The following NCOA2 variants were observed in gnomAD, a reference collection of about 807,000 sequenced individuals.
The protein encoded by NCOA2 is class E basic helix-loop-helix protein 75.
NCOA2 carries 21 observed loss-of-function variants against 145.1 expected under a neutral mutation model. That is an observed-to-expected ratio of 0.14 (90% CI 0.10 to 0.21). The LOEUF is 0.21. Among genes scored for constraint, NCOA2 ranks in the 10% least tolerant of loss-of-function variants. The pLI is 1.00. For synonymous variants in NCOA2, 619 were observed against 637.5 expected (o/e 0.97, Z 0.44); for missense variants, 1,472 against 1,837.6 (o/e 0.80, Z 3.64).
At chr8:70,413,342 A>G in the NCOA2 span, among the ~76,000 whole-genome samples, 4 of 152,170 alleles carry the variant, frequency 2.6e-5, no homozygotes, top group African/African-American at 9.7e-5. Flanking sequence ...ATGCAATTAA[A>G]TGCATCTAGG....
intron 2 of NCOA2, among the ~76,000 whole-genome samples, chr8:70,235,370 C>A (rs538304992): frequency 6.6e-6 from 1 of 152,152 alleles, no homozygotes; most frequent in South Asian, 2.1e-4. Flanking sequence ...GATGGTTGCA[C>A]AATACTGTTC....
At chr8:70,153,049 G>A (rs2132134278) in intron 11 of NCOA2, among the ~76,000 whole-genome samples, 1 of 152,322 alleles carries the variant, frequency 6.6e-6, no homozygotes, top group East Asian at 1.9e-4. Flanking sequence ...CTTAAAGTAA[G>A]TCATTCTAAC....
chr8:70,415,492 A>G, the NCOA2 span, among the ~76,000 whole-genome samples: 2 of 152,354 alleles, frequency 1.3e-5, no homozygotes, highest in South Asian at 2.1e-4. Flanking sequence ...TTTTTGTTTC[A>G]TAAAATTCAA....
intron 2 of NCOA2, among the ~76,000 whole-genome samples, chr8:70,279,332 T>A (rs540848890): frequency 6.6e-6 from 1 of 152,324 alleles, no homozygotes; most frequent in East Asian, 1.9e-4. Flanking sequence ...GAGTGAAATG[T>A]GTCTTTTCTC....
At chr8:70,354,128 C>T (rs1389014996) in intron 1 of NCOA2, among the ~76,000 whole-genome samples, 1 of 152,154 alleles carries the variant, frequency 6.6e-6, no homozygotes, top group Non-Finnish European at 1.5e-5. Flanking sequence ...ATTCCAAACC[C>T]ATTACAGAGC....
Position 70,128,841 on chromosome 8 carries a change from T to C in NCOA2, c.3464A>G (p.Asn1155Ser), listed in dbSNP as rs201371847. The stretch of plus-strand genomic sequence containing the variant: ...AGGCCGCTGTCCCATGGTGTGAAAG[T>C]TTGGATCTTGCATGGGAGAATAGCT... ...QGSYSPMQDP[N>S]FHTMGQRPSY... Residue 1155 changes from asparagine (N) to serine (S), a missense_variant, in exon 17 of 23, where the codon AAC (asparagine) becomes AGC (serine). By Grantham distance (46) the Asn-to-Ser change is conservative. Around this residue, in one of 4 missense-constraint regions of NCOA2, gnomAD observed 953 missense variants for 1,062.1 expected, o/e 0.90. Transcript: ENST00000452400. 3.7e-6 allele frequency: 6 copies of C among 1,613,798 alleles called. No homozygotes were observed. The highest frequency in any genetic ancestry group is 4.2e-6 in the Non-Finnish European group (5 of 1,179,880).
intron 2 of NCOA2, among the ~76,000 whole-genome samples, chr8:70,233,981 C>G (rs1237498580): frequency 6.6e-6 from 1 of 152,072 alleles, no homozygotes; most frequent in Non-Finnish European, 1.5e-5. Flanking sequence ...TGTCATCACC[C>G]CAAGAGGAAA....
chr8:70,443,506 GCAATTGCCC>G, the NCOA2 span, among the ~76,000 whole-genome samples: 4 of 152,112 alleles, frequency 2.6e-5, no homozygotes, highest in Admixed American at 6.5e-5. Context: ...TTGAAACAGA[GCAATTGCCC>G]CAATTCAGCA....
the NCOA2 span, among the ~76,000 whole-genome samples, chr8:70,443,966 C>T: frequency 6.6e-6 from 1 of 152,186 alleles, no homozygotes; most frequent in Non-Finnish European, 1.5e-5. Context: ...CATGCACACA[C>T]GCGTGCTTGC....
chr8:70,383,217 C>T (rs1009955760), intron 1 of NCOA2, among the ~76,000 whole-genome samples: 3 of 152,066 alleles, frequency 2.0e-5, no homozygotes, highest in African/African-American at 7.2e-5. Context: ...GTGGATGGGG[C>T]TGTGTTATCG....
At chr8:70,119,430 G>A (rs1807527627) in intron 22 of NCOA2, among the ~76,000 whole-genome samples, 1 of 152,050 alleles carries the variant, frequency 6.6e-6, no homozygotes. Context: ...CTGTGTATAT[G>A]TACCACATTT....
intron 2 of NCOA2, among the ~76,000 whole-genome samples, chr8:70,244,211 C>T (rs981036594): frequency 1.4e-4 from 22 of 152,078 alleles, no homozygotes; most frequent in Admixed American, 1.4e-3. Flanking sequence ...AGCCCATCTG[C>T]TCTAGAAGTT....
At chr8:70,310,986 A>G (rs6997367) in intron 1 of NCOA2, among the ~76,000 whole-genome samples, 37,091 of 152,034 alleles carry the variant, frequency 0.24, 5,687 homozygotes, top group East Asian at 0.57. Context: ...AAAGAACAAC[A>G]CAGTAAATAA....
chr8:70,311,443 C>T (rs749885732), intron 1 of NCOA2, among the ~76,000 whole-genome samples: 1 of 151,292 alleles, frequency 6.6e-6, no homozygotes. Context: ...AAATATGATG[C>T]AAAAAAGAAA....
chr8:70,381,355 C>G (rs1812175840), intron 1 of NCOA2, among the ~76,000 whole-genome samples: 2 of 152,240 alleles, frequency 1.3e-5, no homozygotes, highest in South Asian at 4.2e-4. Context: ...CAATGGGATC[C>G]TAAATCCTAA....
chr8:70,268,004 A>G lies in NCOA2; in HGVS notation c.-20+28740T>C, dbSNP rs550880618. Among the ~76,000 whole-genome samples the G allele has an allele frequency of 2.6e-5, 4 of 152,266 alleles. No homozygotes were observed. In the East Asian group the frequency reaches 7.7e-4, roughly 29 times the overall value. Reference sequence around the variant, plus strand: ...TGTGGGAATTCATTATTGATCAACTAGCTAGCCTACCTGGTTTTTCAGAAG... The same window carrying G: ...TGTGGGAATTCATTATTGATCAACTGGCTAGCCTACCTGGTTTTTCAGAAG... On this transcript the variant is annotated intron_variant, in intron 2 of 22. Coordinates refer to ENST00000452400, the MANE Select transcript of NCOA2 (RefSeq NM_006540.4).
At chr8:70,388,107 T>C (rs1018374452) in intron 1 of NCOA2, among the ~76,000 whole-genome samples, 3 of 152,202 alleles carry the variant, frequency 2.0e-5, no homozygotes, top group Non-Finnish European at 4.4e-5. Flanking sequence ...AAGTTTGGGA[T>C]GGTATATAAT....
At chr8:70,379,416 G>C (rs1056007441) in intron 1 of NCOA2, among the ~76,000 whole-genome samples, 1 of 152,286 alleles carries the variant, frequency 6.6e-6, no homozygotes, top group Admixed American at 6.5e-5. Context: ...TTAATATCAT[G>C]TGGTTTCATA....
At chr8:70,202,281 T>A (rs1817972197) in intron 4 of NCOA2, among the ~76,000 whole-genome samples, 2 of 151,994 alleles carry the variant, frequency 1.3e-5, no homozygotes, top group Admixed American at 1.3e-4. Flanking sequence ...ACTATGGAGG[T>A]TCCCTGAAAA....
Sources: allele counts gnomAD v4.1 joint callset (sites outside exome capture counted in the v4.1 genomes callset), GRCh38; gene constraint gnomAD v4.1.1; regional missense constraint gnomAD v4.1.1; transcripts MANE v1.5; gene names NCBI Gene and HGNC (gene_info 2026-07-23, HGNC 2026-07-21).